CPEB4: variants seen among roughly 807,000 people sequenced by gnomAD.
CPEB4 encodes cytoplasmic polyadenylation element-binding protein 4.
CPEB4 carries 12 observed loss-of-function variants against 72.5 expected under a neutral mutation model. The ratio of observed to expected loss-of-function variants is 0.17; its 90% CI spans 0.11 to 0.27. The LOEUF (loss-of-function observed/expected upper bound fraction) is 0.27. CPEB4 is among the 10% of genes least tolerant of loss of function. The pLI, the probability that CPEB4 is intolerant of heterozygous loss-of-function variation, is 1.00. For synonymous variants in CPEB4, 302 were observed against 326.3 expected, an observed-to-expected ratio of 0.93 and a Z score of 0.80; for missense variants, 614 against 908.5, an observed-to-expected ratio of 0.68 and a Z score of 4.17.
At chr5:173,901,190 G>C (rs1756218762) in intron 1 of CPEB4, among the ~76,000 whole-genome samples, 1 of 152,170 alleles carries the variant, frequency 6.6e-6, no homozygotes, top group Non-Finnish European at 1.5e-5. Flanking sequence ...GATTTATTTA[G>C]TAAAGGTGCA....
intron 1 of CPEB4, among the ~76,000 whole-genome samples, chr5:173,908,029 CT>C (rs1310363611): frequency 3.9e-5 from 6 of 152,200 alleles, no homozygotes; most frequent in South Asian, 2.1e-4. Flanking sequence ...ATGGATGGCC[CT>C]TTTAAAGGTG....
At chr5:173,940,917 C>T (rs1041315529) in intron 3 of CPEB4, among the ~76,000 whole-genome samples, 5 of 152,050 alleles carry the variant, frequency 3.3e-5, no homozygotes, top group East Asian at 3.9e-4. Flanking sequence ...TTATATTGAC[C>T]AGTTTAATTT....
intron 4 of CPEB4, among the ~76,000 whole-genome samples, 178 bp downstream of exon 4, chr5:173,943,227 T>C (rs1035293717): frequency 3.3e-5 from 5 of 152,172 alleles, no homozygotes; most frequent in African/African-American, 1.2e-4. Context: ...TAAGGAGCTA[T>C]AAAGAAATTT....
Position 173,888,827 on chromosome 5 carries a change from C to A in CPEB4, c.-907C>A. 3.2e-6 allele frequency: 1 copy of A among 316,616 alleles called. No individual in the cohort carries two copies. Among genetic ancestry groups the A allele is most frequent in the Non-Finnish European group, 5.7e-6 (1 of 175,070 alleles). 19.6% of individuals were successfully genotyped at this position (316,616 alleles called of 1,614,324 possible). ...ACCGCAGGACCTTCCAGGTCGCCCCCTCGGTCCCCGCACCCCCAGGCCGCC... is the reference window on the plus strand; with the variant it reads ...ACCGCAGGACCTTCCAGGTCGCCCCATCGGTCCCCGCACCCCCAGGCCGCC... On this transcript the variant is annotated 5_prime_UTR_variant, in exon 1 of 10. Transcript: ENST00000265085. The surrounding 1 kb of genome is among the most constrained non-coding windows in gnomAD (Gnocchi z 4.3).
intron 2 of CPEB4, among the ~76,000 whole-genome samples, chr5:173,925,671 C>T (rs1183410083): frequency 1.3e-5 from 2 of 152,198 alleles, no homozygotes; most frequent in African/African-American, 2.4e-5. Context: ...CCCACAGCGC[C>T]ATCTTGCTGC....
Position 173,953,408 on chromosome 5 carries a change from T to C in CPEB4, c.1962+136T>C, listed in dbSNP as rs188820693. ...TGCCTATAGAGTTAATTATGGTCTA[T>C]AATACATGAAATAATGTCCTATGAA... On this transcript the variant is annotated intron_variant, in intron 9 of 9. Transcript: ENST00000265085. 9.2e-4 allele frequency: 511 copies of C among 555,418 alleles called. 2 individuals are homozygous for C. Among genetic ancestry groups the C allele is most frequent in the African/African-American group, 8.8e-3 (468 of 53,082 alleles). The allele number at this position is 555,418 out of a possible 1,614,324, so 34.4% of individuals were successfully genotyped here. A position where few individuals can be genotyped will look rare whatever the true frequency, so the allele number is the denominator to read the frequency against.
chr5:173,889,925 T>C lies in CPEB4; in HGVS notation c.192T>C (p.Ala64=). The C allele has an allele frequency of 6.2e-7, 1 of 1,614,116 alleles. No homozygotes were observed. Among genetic ancestry groups the C allele is most frequent in the South Asian group, 1.1e-5 (1 of 91,082 alleles). Residue 64 remains alanine, a synonymous_variant, in exon 1 of 10, where the codon GCT becomes GCC. Transcript: ENST00000265085. The part of the protein sequence containing the change: ...SSAGSAWLFP[A]PATHNIQDEI... Reference sequence around the variant, plus strand: ...CTGGGTCAGCTTGGCTTTTTCCTGCTCCAGCTACCCATAACATTCAGGATG... The same window carrying C: ...CTGGGTCAGCTTGGCTTTTTCCTGCCCCAGCTACCCATAACATTCAGGATG...
intron 3 of CPEB4, 103 bp from the exon 4 acceptor site, chr5:173,942,923 C>T: frequency 8.4e-7 from 1 of 1,188,846 alleles, no homozygotes; most frequent in African/African-American, 1.6e-5. Flanking sequence ...ACAGTTTTTC[C>T]ATTTTCAAAA....
intron 2 of CPEB4, among the ~76,000 whole-genome samples, chr5:173,930,220 G>A (rs2113231400): frequency 6.6e-6 from 1 of 152,194 alleles, no homozygotes; most frequent in Admixed American, 6.5e-5. Context: ...ACCACGCCTG[G>A]CTAATTTTTG....
chr5:173,902,440 T>C (rs887172236), intron 1 of CPEB4, among the ~76,000 whole-genome samples: 3 of 152,212 alleles, frequency 2.0e-5, no homozygotes, highest in Non-Finnish European at 4.4e-5. Context: ...AGACTCAGTC[T>C]AGTAATGCCA....
intron 1 of CPEB4, among the ~76,000 whole-genome samples, chr5:173,897,827 T>C (rs1407304880): frequency 6.6e-6 from 1 of 152,142 alleles, no homozygotes; most frequent in Non-Finnish European, 1.5e-5. Flanking sequence ...AAAGTGTAAT[T>C]ATCAATTATA....
intron 4 of CPEB4, among the ~76,000 whole-genome samples, 163 bp from the exon 5 acceptor site, chr5:173,944,804 T>C (rs933017218): frequency 6.6e-6 from 1 of 152,236 alleles, no homozygotes; most frequent in Non-Finnish European, 1.5e-5. Flanking sequence ...GTTGGGACTT[T>C]AAGTTGGTGG....
chr5:173,906,330 T>C (rs1756435358), intron 1 of CPEB4, among the ~76,000 whole-genome samples: 1 of 152,228 alleles, frequency 6.6e-6, no homozygotes, highest in Non-Finnish European at 1.5e-5. Flanking sequence ...TTTTTTAAAT[T>C]AGTTGTTAAA....
rs369863397 is a variant in CPEB4, at chr5:173,948,897, AC to A, written c.1457-609del. Among the ~76,000 whole-genome samples the A allele has an allele frequency of 1.8e-3, 274 of 152,202 alleles. 1 individual carries two copies. Among genetic ancestry groups the A allele is most frequent in the African/African-American group, 6.4e-3 (267 of 41,516 alleles). On this transcript the variant is annotated intron_variant, in intron 5 of 9. Transcript: ENST00000265085. ...TTCTACCCCCATGACCTAATCACCT[AC>A]CAAAGGCCCCAGCTCCAAATACCCT...
chr5:173,888,737 C>G lies in CPEB4; in HGVS notation c.-997C>G. The G allele has an allele frequency of 2.6e-6, 1 of 388,124 alleles. No individual in the cohort carries two copies. Among genetic ancestry groups the G allele is most frequent in the Non-Finnish European group, 4.6e-6 (1 of 219,710 alleles). The allele number at this position is 388,124 out of a possible 1,614,324, so 24.0% of individuals were successfully genotyped here. ...GGAGAATCGAACTGAGGGAACTGAA[C>G]AAACCGCCCCTGGGTCCCATGAGGG... On this transcript the variant is annotated 5_prime_UTR_variant, in exon 1 of 10. Coordinates refer to ENST00000265085, the MANE Select transcript of CPEB4 (RefSeq NM_030627.4). This position sits in a 1 kb window ranked among gnomAD's most constrained non-coding sequence, Gnocchi z 4.3.
At chr5:173,910,735 C>G (rs1222539619) in intron 2 of CPEB4, 131 bp downstream of exon 2, 1 of 638,120 alleles carries the variant, frequency 1.6e-6, no homozygotes, top group Non-Finnish European at 2.8e-6. Context: ...CAATTTTACA[C>G]ATATACCTCT....
chr5:173,926,923 G>A (rs758167350), intron 2 of CPEB4, among the ~76,000 whole-genome samples: 20 of 151,868 alleles, frequency 1.3e-4, no homozygotes, highest in Non-Finnish European at 2.8e-4. Flanking sequence ...CTGAGGTGGA[G>A]GCATCACCTG....
chr5:173,950,055 A>G lies in CPEB4; in HGVS notation c.1642A>G (p.Ser548Gly). The change falls in exon 7 of 10, where the codon AGT (serine) becomes GGT (glycine). Residue 548 changes from serine to glycine, a missense_variant. Ser to Gly is a moderately conservative substitution (Grantham distance 56). Coordinates refer to ENST00000265085, the MANE Select transcript of CPEB4 (RefSeq NM_030627.4). The surrounding 1 kb of genome is among the most constrained non-coding windows in gnomAD (Gnocchi z 5.0). ...TGGAAAACTCTACCTTTGTGTATCA[A>G]GTCCCACTATCAAGGATAAGCCAGT... The part of the protein sequence containing the change: ...EDGKLYLCVS[S>G]PTIKDKPVQI... The G allele has an allele frequency of 6.2e-7, 1 of 1,608,166 alleles. No homozygotes were observed. The highest frequency in any genetic ancestry group is 8.5e-7 in the Non-Finnish European group (1 of 1,175,998).
At chr5:173,908,008 T>C (rs1387132843) in intron 1 of CPEB4, among the ~76,000 whole-genome samples, 2 of 152,188 alleles carry the variant, frequency 1.3e-5, no homozygotes, top group Non-Finnish European at 2.9e-5. Flanking sequence ...TGGTTTGTGT[T>C]GGAGATGGAA....
Sources: allele counts gnomAD v4.1 joint callset (sites outside exome capture counted in the v4.1 genomes callset), GRCh38; gene constraint gnomAD v4.1.1; non-coding constraint Gnocchi (gnomAD v3.1); transcripts MANE v1.5; gene names NCBI Gene and HGNC (gene_info 2026-07-23, HGNC 2026-07-21).